The following PCDH9 variants were observed in gnomAD, a reference collection of about 807,000 sequenced individuals.
The protein encoded by PCDH9 is protocadherin 9, also known as protocadherin-9.
PCDH9 carries 24 observed loss-of-function variants against 70.6 expected under a neutral mutation model. That is an observed-to-expected ratio of 0.34 (90% CI 0.25 to 0.48). The LOEUF (loss-of-function observed/expected upper bound fraction) is 0.48. PCDH9 is among the 20% of genes least tolerant of loss of function. PCDH9 has a pLI of 0.99. For synonymous variants in PCDH9, 562 were observed against 558.5 expected (o/e 1.01, Z -0.09); for missense variants, 1,281 against 1,503.6 (o/e 0.85, Z 2.45).
chr13:66,635,759 A>G (rs1175953480), intron 3 of PCDH9, among the ~76,000 whole-genome samples: 1 of 152,146 alleles, frequency 6.6e-6, no homozygotes, highest in Non-Finnish European at 1.5e-5. Flanking sequence ...TCACAAGTGA[A>G]TGACTCACAT....
At chr13:66,810,930 T>C (rs2080493519) in intron 3 of PCDH9, among the ~76,000 whole-genome samples, 2 of 152,030 alleles carry the variant, frequency 1.3e-5, no homozygotes, top group African/African-American at 2.4e-5. Flanking sequence ...CAAAATTCCC[T>C]TTACCTAATA....
At chr13:66,670,839 G>A (rs868192866) in intron 3 of PCDH9, among the ~76,000 whole-genome samples, 32 of 150,838 alleles carry the variant, frequency 2.1e-4, no homozygotes, top group African/African-American at 7.6e-4. Flanking sequence ...TTGGAAATAG[G>A]GACTTTGGAG....
chr13:67,124,510 G>C (rs565488269), intron 2 of PCDH9, among the ~76,000 whole-genome samples: 2 of 152,194 alleles, frequency 1.3e-5, no homozygotes, highest in African/African-American at 4.8e-5. Context: ...TTTGTAACAA[G>C]GTAGAAGGTC....
chr13:66,944,996 T>C (rs956751642), intron 2 of PCDH9, among the ~76,000 whole-genome samples: 1 of 152,080 alleles, frequency 6.6e-6, no homozygotes, highest in Non-Finnish European at 1.5e-5. Context: ...GATACCAGAA[T>C]ACAGCACCCC....
chr13:67,151,566 A>G (rs1594581175), intron 2 of PCDH9, among the ~76,000 whole-genome samples: 1 of 152,232 alleles, frequency 6.6e-6, no homozygotes, highest in Non-Finnish European at 1.5e-5. Flanking sequence ...ATCATTCCCA[A>G]ATCCAACACT....
chr13:66,955,668 C>T (rs958931067), intron 2 of PCDH9, among the ~76,000 whole-genome samples: 6 of 152,108 alleles, frequency 3.9e-5, no homozygotes, highest in African/African-American at 1.4e-4. Context: ...ACTTTAATAA[C>T]TGGTCAAGAG....
intron 3 of PCDH9, among the ~76,000 whole-genome samples, chr13:66,647,783 G>A (rs1048858970): frequency 2.0e-5 from 3 of 152,072 alleles, no homozygotes; most frequent in Admixed American, 6.5e-5. Context: ...TTGGCTGTTA[G>A]ACAGCATTTC....
chr13:66,427,265 G>T (rs1957687317), intron 4 of PCDH9, among the ~76,000 whole-genome samples: 1 of 151,584 alleles, frequency 6.6e-6, no homozygotes, highest in Non-Finnish European at 1.5e-5. Flanking sequence ...ATGATTAAAT[G>T]TTAATTATAT....
At position 66,365,009 on chromosome 13, in the gene PCDH9, G is replaced by A. The variant is rs1007812021; in HGVS notation, c.3341-59981C>T. On this transcript the variant is annotated intron_variant, in intron 4 of 4. Coordinates refer to ENST00000377865, the MANE Select transcript of PCDH9 (RefSeq NM_203487.3). ...CATACATTTCAGAAAGGATGGCTGC[G>A]TCCTCAGAAATATTTTTATGATGAC... Among the ~76,000 whole-genome samples, 14 of 152,106 alleles carry A rather than the reference G, an allele frequency of 9.2e-5. No homozygotes were observed. In the East Asian group the frequency reaches 9.6e-4, roughly 10 times the overall value.
chr13:66,721,902 C>T (rs2078945980), intron 3 of PCDH9, among the ~76,000 whole-genome samples: 2 of 152,164 alleles, frequency 1.3e-5, no homozygotes, highest in African/African-American at 4.8e-5. Context: ...CCCAGAACCT[C>T]CAATGACACG....
At chr13:66,629,903 G>T (rs1011161817) in intron 4 of PCDH9, among the ~76,000 whole-genome samples, 1 of 152,108 alleles carries the variant, frequency 6.6e-6, no homozygotes, top group Non-Finnish European at 1.5e-5. Flanking sequence ...AGCTTAAAAT[G>T]CTGGAAGTCA....
At chr13:66,875,298 CTG>C (rs1594190565) in intron 3 of PCDH9, among the ~76,000 whole-genome samples, 1 of 152,102 alleles carries the variant, frequency 6.6e-6, no homozygotes, top group Non-Finnish European at 1.5e-5. Context: ...TTACAGAACT[CTG>C]TGTGTGTGAA....
At chr13:66,792,837 T>A (rs901493970) in intron 3 of PCDH9, among the ~76,000 whole-genome samples, 1 of 152,150 alleles carries the variant, frequency 6.6e-6, no homozygotes, top group East Asian at 1.9e-4. Flanking sequence ...GGTGTTGCAC[T>A]TAAGGATAGT....
chr13:67,059,033 C>T lies in PCDH9; in HGVS notation c.3037-155428G>A, dbSNP rs2085479445. On this transcript the variant is annotated intron_variant, in intron 2 of 4. Coordinates refer to ENST00000377865, the MANE Select transcript of PCDH9 (RefSeq NM_203487.3). ...CCCTCTTCTTCCTCTTCTTACATAG[C>T]TGTTCCCTGGGAGAGTCTGAGCTCT... Among the ~76,000 whole-genome samples the T allele has an allele frequency of 7.2e-5, 11 of 152,098 alleles. No individual in the cohort carries two copies. In the South Asian group the frequency reaches 2.3e-3, roughly 32 times the overall value.
At chr13:66,328,840 T>C (rs1309959385) in intron 4 of PCDH9, among the ~76,000 whole-genome samples, 1 of 152,208 alleles carries the variant, frequency 6.6e-6, no homozygotes, top group East Asian at 1.9e-4. Flanking sequence ...CATATTTTCT[T>C]GGAGACTGTC....
chr13:66,914,998 T>G (rs2082534468), intron 2 of PCDH9: 1 of 151,712 alleles, frequency 6.6e-6, no homozygotes, highest in Non-Finnish European at 1.5e-5. Flanking sequence ...ATTTTTGTTT[T>G]AAAATGATAT....
chr13:66,447,525 AT>A (rs1466597251), intron 4 of PCDH9, among the ~76,000 whole-genome samples: 1 of 152,102 alleles, frequency 6.6e-6, no homozygotes, highest in Non-Finnish European at 1.5e-5. Context: ...TAATTTGGCA[AT>A]CTTTTCTACT....
chr13:67,209,139 TC>T (rs750717091), intron 2 of PCDH9: 8 of 152,244 alleles, frequency 5.3e-5, no homozygotes, highest in Non-Finnish European at 7.4e-5. Context: ...TTGACTGAAT[TC>T]CCAGTACTTG....
intron 4 of PCDH9, among the ~76,000 whole-genome samples, chr13:66,428,897 T>TA (rs1229042730): frequency 2.0e-5 from 3 of 151,802 alleles, no homozygotes; most frequent in African/African-American, 7.2e-5. Flanking sequence ...TAAATTGGCT[T>TA]AAAAATATAA....
Sources: allele counts gnomAD v4.1 joint callset (sites outside exome capture counted in the v4.1 genomes callset), GRCh38; gene constraint gnomAD v4.1.1; transcripts MANE v1.5; gene names NCBI Gene and HGNC (gene_info 2026-07-23, HGNC 2026-07-21).